NCKAP5: variants seen among roughly 807,000 people sequenced by gnomAD.
NCKAP5 encodes nck-associated protein 5.
Under a neutral mutation model 167.0 loss-of-function variants are expected in NCKAP5, and 92 were observed. The observed-to-expected ratio is 0.55, with a 90% CI of 0.47 to 0.66. The LOEUF is 0.66. NCKAP5 is among the 30% of genes least tolerant of loss of function. The pLI is 0.00. For synonymous variants in NCKAP5, 891 were observed against 877.4 expected, an observed-to-expected ratio of 1.02 and a Z score of -0.27; for missense variants, 2,378 against 2,315.0, an observed-to-expected ratio of 1.03 and a Z score of -0.56.
chr2:133,510,264 C>T lies in NCKAP5; in HGVS notation c.69+7194G>A, dbSNP rs11903641. On this transcript the variant is annotated intron_variant, in intron 3 of 19. Coordinates refer to ENST00000409261, the MANE Select transcript of NCKAP5 (RefSeq NM_207363.3). ...CGGCTAGATGCTGGAGGTGCCCCATCGCTCACCAGGTTCTCCCTACTCTTC... is the reference window on the plus strand; with the variant it reads ...CGGCTAGATGCTGGAGGTGCCCCATTGCTCACCAGGTTCTCCCTACTCTTC... Among the ~76,000 whole-genome samples the T allele has an allele frequency of 1.4e-3, 217 of 152,280 alleles. 1 individual carries two copies. Among genetic ancestry groups the T allele is most frequent in the African/African-American group, 4.9e-3 (202 of 41,560 alleles).
intron 1 of NCKAP5, among the ~76,000 whole-genome samples, chr2:133,562,040 G>T (rs1688193900): frequency 6.6e-6 from 1 of 151,890 alleles, no homozygotes; most frequent in South Asian, 2.1e-4. Context: ...GGGATGCTCT[G>T]GGAGGTACAA....
At chr2:133,547,890 C>T (rs1035302836) in intron 2 of NCKAP5, among the ~76,000 whole-genome samples, 16 of 147,824 alleles carry the variant, frequency 1.1e-4, no homozygotes, top group Middle Eastern at 3.5e-3. Context: ...ATGACTTTGA[C>T]GAGCTGAGAG....
intron 6 of NCKAP5, among the ~76,000 whole-genome samples, chr2:133,069,077 C>T (rs533226817): frequency 3.0e-4 from 46 of 152,206 alleles, no homozygotes; most frequent in African/African-American, 8.7e-4. Flanking sequence ...AAGGAGTGAG[C>T]GATCCAGTAC....
chr2:133,634,610 A>G, the NCKAP5 span, among the ~76,000 whole-genome samples: 3 of 152,164 alleles, frequency 2.0e-5, no homozygotes, highest in Admixed American at 6.5e-5. Flanking sequence ...CTTTTACAGA[A>G]TCCTCATTTC....
In NCKAP5 at chr2:132,782,822, G is replaced by C; in HGVS notation, c.3989C>G (p.Pro1330Arg). 6.2e-7 allele frequency: 1 copy of C among 1,613,930 alleles called. No homozygotes were observed. Among genetic ancestry groups the C allele is most frequent in the East Asian group, 2.2e-5 (1 of 44,856 alleles). ...ESSPNKAPSAPMLESLPSVGR... is the reference protein window; with the variant it reads ...ESSPNKAPSARMLESLPSVGR... ...AACACTGGGGAGACTCTCCAACATGGGAGCAGAAGGGGCCTTGTTGGGAGA... is the reference window on the plus strand; with the variant it reads ...AACACTGGGGAGACTCTCCAACATGCGAGCAGAAGGGGCCTTGTTGGGAGA... The change falls in exon 14 of 20, where the codon CCC (proline) becomes CGC (arginine). Residue 1330 changes from proline to arginine, a missense_variant. Around this residue, in one of 3 missense-constraint regions of NCKAP5, gnomAD observed 1,325 missense variants for 1,274.5 expected, o/e 1.04. Coordinates refer to ENST00000409261, the MANE Select transcript of NCKAP5 (RefSeq NM_207363.3).
chr2:133,482,378 C>G (rs1680535159), intron 3 of NCKAP5, among the ~76,000 whole-genome samples: 1 of 151,882 alleles, frequency 6.6e-6, no homozygotes. Context: ...CCACCTCACC[C>G]AGCTAATTTT....
At chr2:132,801,629 C>T (rs1685044075) in intron 11 of NCKAP5, among the ~76,000 whole-genome samples, 1 of 152,162 alleles carries the variant, frequency 6.6e-6, no homozygotes, top group African/African-American at 2.4e-5. Flanking sequence ...ACGCATGCCT[C>T]ATACAGGTGT....
chr2:133,554,896 G>A (rs1687628899), intron 2 of NCKAP5, among the ~76,000 whole-genome samples: 1 of 152,086 alleles, frequency 6.6e-6, no homozygotes, highest in Non-Finnish European at 1.5e-5. Flanking sequence ...ATCTAGGTGT[G>A]GAGGAGATGA....
At chr2:132,980,135 A>G (rs2077090435) in intron 7 of NCKAP5, among the ~76,000 whole-genome samples, 1 of 151,632 alleles carries the variant, frequency 6.6e-6, no homozygotes, top group South Asian at 2.1e-4. Context: ...GACTACAGGC[A>G]TGCACCACTA....
chr2:133,523,466 T>A (rs1311010848), intron 2 of NCKAP5, among the ~76,000 whole-genome samples: 1 of 152,210 alleles, frequency 6.6e-6, no homozygotes, highest in African/African-American at 2.4e-5. Context: ...AAAACAGTAA[T>A]GCCAAAAGGG....
At chr2:132,832,408 T>G (rs1309867327) in intron 11 of NCKAP5, among the ~76,000 whole-genome samples, 1 of 152,262 alleles carries the variant, frequency 6.6e-6, no homozygotes, top group East Asian at 1.9e-4. Flanking sequence ...GGGGTACAAG[T>G]GCAACTTTGT....
chr2:133,235,602 G>C (rs1295780864), intron 4 of NCKAP5, among the ~76,000 whole-genome samples: 2 of 151,864 alleles, frequency 1.3e-5, no homozygotes, highest in African/African-American at 4.8e-5. Context: ...AGAAAGTGGT[G>C]GCTCAAAATA....
At chr2:132,693,986 T>C (rs1425729075) in intron 19 of NCKAP5, among the ~76,000 whole-genome samples, 1 of 152,096 alleles carries the variant, frequency 6.6e-6, no homozygotes, top group Non-Finnish European at 1.5e-5. Context: ...AAAAGCACTC[T>C]CTGGATTACT....
intron 10 of NCKAP5, among the ~76,000 whole-genome samples, chr2:132,862,179 G>A (rs1689965248): frequency 6.6e-6 from 1 of 152,198 alleles, no homozygotes; most frequent in African/African-American, 2.4e-5. Context: ...ACCTGGGCCT[G>A]CCATAACCTT....
At position 133,074,287 on chromosome 2, in the gene NCKAP5, G is replaced by GA. The variant is rs372224003; in HGVS notation, c.341+55690dup. Among the ~76,000 whole-genome samples, 171 of 145,020 alleles carry GA rather than the reference G, an allele frequency of 1.2e-3. 2 individuals carry two copies. Among genetic ancestry groups the GA allele is most frequent in the African/African-American group, 2.3e-3 (92 of 39,664 alleles). Reference sequence around the variant, plus strand: ...AGCAGCTTTTGTAATGATATTCCATGAAAAAAAAAACAAGAACTTTGAAAT... The same window carrying GA: ...AGCAGCTTTTGTAATGATATTCCATGAAAAAAAAAAACAAGAACTTTGAAAT... On this transcript the variant is annotated intron_variant, in intron 6 of 19. Coordinates refer to ENST00000409261, the MANE Select transcript of NCKAP5 (RefSeq NM_207363.3).
chr2:133,526,899 T>G (rs781672463), intron 2 of NCKAP5, among the ~76,000 whole-genome samples: 1 of 152,116 alleles, frequency 6.6e-6, no homozygotes, highest in Non-Finnish European at 1.5e-5. Flanking sequence ...TGGAAGAATA[T>G]TTAGATAAGT....
chr2:132,833,835 T>C (rs1308017444), intron 11 of NCKAP5, among the ~76,000 whole-genome samples: 2 of 152,210 alleles, frequency 1.3e-5, no homozygotes, highest in East Asian at 1.9e-4. Flanking sequence ...TTACTTTGAC[T>C]ATTTGGGGTC....
intron 5 of NCKAP5, among the ~76,000 whole-genome samples, chr2:133,175,606 C>A (rs999324341): frequency 2.6e-5 from 4 of 152,128 alleles, no homozygotes; most frequent in Non-Finnish European, 5.9e-5. Context: ...TATCTGTACT[C>A]CTACTTAGAC....
intron 6 of NCKAP5, chr2:133,117,779 C>T (rs954087643): frequency 6.6e-6 from 1 of 152,060 alleles, no homozygotes. Context: ...CAAAGGTGAC[C>T]GCTGGGCTTC....
Sources: allele counts gnomAD v4.1 joint callset (sites outside exome capture counted in the v4.1 genomes callset), GRCh38; gene constraint gnomAD v4.1.1; regional missense constraint gnomAD v4.1.1; transcripts MANE v1.5; gene names NCBI Gene and HGNC (gene_info 2026-07-23, HGNC 2026-07-21).